SPOCK3: variants seen among roughly 807,000 people sequenced by gnomAD.
The protein encoded by SPOCK3 is testican-3.
Under a neutral mutation model 56.6 loss-of-function variants are expected in SPOCK3, and 30 were observed. That is an observed-to-expected ratio of 0.53 (90% confidence interval 0.40 to 0.72). SPOCK3 has a LOEUF of 0.72. Among genes scored for constraint, SPOCK3 ranks in the 30% least tolerant of loss-of-function variants. The pLI is 0.00. For missense variants in SPOCK3, 527 were observed against 530.0 expected, an observed-to-expected ratio of 0.99 and a Z score of 0.06; for synonymous variants, 196 against 183.3, an observed-to-expected ratio of 1.07 and a Z score of -0.56.
intron 2 of SPOCK3, among the ~76,000 whole-genome samples, chr4:167,073,316 T>C (rs1400306235): frequency 4.6e-5 from 7 of 151,800 alleles, no homozygotes; most frequent in Admixed American, 4.6e-4. Flanking sequence ...AATATTTTCA[T>C]ATAGAGTCAA....
In SPOCK3 at chr4:166,773,255, C is replaced by T. The variant is rs191790007; in HGVS notation, c.710-18526G>A. Among the ~76,000 whole-genome samples, 673 of 152,018 alleles carry T rather than the reference C, an allele frequency of 4.4e-3. 3 individuals are homozygous for T. The highest frequency in any genetic ancestry group is 7.7e-3 in the Non-Finnish European group (525 of 67,988). ...CTAAATCTTATAAGAAATATCATACCGGAAAATAAAGGAAAATCTTTTTAA... is the reference window on the plus strand; with the variant it reads ...CTAAATCTTATAAGAAATATCATACTGGAAAATAAAGGAAAATCTTTTTAA... On this transcript the variant is annotated intron_variant, in intron 7 of 10. Transcript: ENST00000357545.
intron 7 of SPOCK3, among the ~76,000 whole-genome samples, chr4:166,790,326 G>A (rs952476992): frequency 1.3e-5 from 2 of 152,066 alleles, no homozygotes; most frequent in Admixed American, 6.6e-5. Flanking sequence ...TCTGATATAG[G>A]AGGTCTGGTT....
intron 2 of SPOCK3, among the ~76,000 whole-genome samples, chr4:167,070,000 C>T (rs958288412): frequency 3.3e-5 from 5 of 151,986 alleles, no homozygotes; most frequent in Non-Finnish European, 4.4e-5. Context: ...TCCTGACTAA[C>T]TCCCCAATCT....
At chr4:167,202,224 A>C (rs1213447084) in intron 2 of SPOCK3, among the ~76,000 whole-genome samples, 1 of 151,968 alleles carries the variant, frequency 6.6e-6, no homozygotes, top group African/African-American at 2.4e-5. Flanking sequence ...AATTTTCATC[A>C]AATTTTGTTC....
intron 4 of SPOCK3, among the ~76,000 whole-genome samples, chr4:166,961,861 C>T (rs1224674936): frequency 6.6e-6 from 1 of 152,130 alleles, no homozygotes; most frequent in Admixed American, 6.6e-5. Context: ...TAAACCTGAG[C>T]ATCTTCATCA....
chr4:167,181,397 T>C (rs1731442180), intron 2 of SPOCK3, among the ~76,000 whole-genome samples: 1 of 152,204 alleles, frequency 6.6e-6, no homozygotes, highest in Non-Finnish European at 1.5e-5. Context: ...TCTGAAACTG[T>C]TGGAAGAATT....
chr4:166,844,110 T>C (rs957978280), intron 6 of SPOCK3, among the ~76,000 whole-genome samples: 1 of 152,214 alleles, frequency 6.6e-6, no homozygotes, highest in Non-Finnish European at 1.5e-5. Flanking sequence ...TCTAAGCCAC[T>C]ACAATTTGGG....
intron 2 of SPOCK3, among the ~76,000 whole-genome samples, chr4:167,196,509 C>A (rs1732965108): frequency 6.6e-6 from 1 of 151,612 alleles, no homozygotes; most frequent in South Asian, 2.1e-4. Context: ...TCTTTTCTTT[C>A]TTTCTTTCTT....
chr4:167,201,672 A>G (rs1180473985), intron 2 of SPOCK3, among the ~76,000 whole-genome samples: 1 of 151,516 alleles, frequency 6.6e-6, no homozygotes, highest in East Asian at 1.9e-4. Flanking sequence ...CAGAAGAAGA[A>G]ATCACCTTTT....
intron 3 of SPOCK3, among the ~76,000 whole-genome samples, chr4:167,049,580 T>C (rs956363639): frequency 6.6e-6 from 1 of 152,166 alleles, no homozygotes; most frequent in African/African-American, 2.4e-5. Flanking sequence ...TTTTAAATAA[T>C]ATTTGGTATA....
intron 6 of SPOCK3, among the ~76,000 whole-genome samples, chr4:166,807,525 T>C (rs1289237888): frequency 6.6e-6 from 1 of 152,118 alleles, no homozygotes; most frequent in Admixed American, 6.6e-5. Flanking sequence ...CAAATGTTTA[T>C]TAGTTAAAAC....
chr4:167,154,614 G>A (rs1026484571), intron 2 of SPOCK3, among the ~76,000 whole-genome samples: 2 of 152,000 alleles, frequency 1.3e-5, no homozygotes, highest in East Asian at 1.9e-4. Flanking sequence ...ATTCATTTCC[G>A]GTACAATCCT....
rs117927416 is a variant in SPOCK3 at position 166,890,167 on chromosome 4, C to T, written c.475-923G>A. ...ATGCCTCTCTTCGGTGCTTGTATGA[C>T]CACAGGATTGAAAGCACTTAAGATG... On this transcript the variant is annotated intron_variant, in intron 5 of 10. Coordinates refer to ENST00000357545, the MANE Select transcript of SPOCK3 (RefSeq NM_001040159.2). 8.0e-4 allele frequency among the ~76,000 whole-genome samples: 122 copies of T among 151,932 alleles called. 2 individuals are homozygous for T. In the East Asian group the frequency reaches 0.014, roughly 17 times the overall value.
At chr4:167,027,668 AT>A (rs1329243549) in intron 3 of SPOCK3, among the ~76,000 whole-genome samples, 1 of 152,058 alleles carries the variant, frequency 6.6e-6, no homozygotes, top group East Asian at 1.9e-4. Flanking sequence ...CTTTTTCTAT[AT>A]TTCTACAGTA....
At chr4:166,934,537 C>A (rs1199795162) in intron 4 of SPOCK3, among the ~76,000 whole-genome samples, 3 of 151,990 alleles carry the variant, frequency 2.0e-5, no homozygotes, top group Non-Finnish European at 2.9e-5. Flanking sequence ...CACTTAATAT[C>A]ACCACCCAAA....
At chr4:166,927,778 G>T (rs1242239624) in intron 4 of SPOCK3, among the ~76,000 whole-genome samples, 1 of 151,938 alleles carries the variant, frequency 6.6e-6, no homozygotes, top group Non-Finnish European at 1.5e-5. Context: ...AGCGTCAAGA[G>T]AATGATGAGG....
At position 166,938,955 on chromosome 4, in the gene SPOCK3, C is replaced by CCACACACA. The variant is rs59234659; in HGVS notation, c.351-26220_351-26213dup. Among the ~76,000 whole-genome samples, 1,089 of 148,412 alleles carry CCACACACA rather than the reference C, an allele frequency of 7.3e-3. 11 individuals are homozygous for CCACACACA. The highest frequency in any genetic ancestry group is 0.025 in the African/African-American group (1,030 of 40,680). On this transcript the variant is annotated intron_variant, in intron 4 of 10. Coordinates refer to ENST00000357545, the MANE Select transcript of SPOCK3 (RefSeq NM_001040159.2). ...ATATATAAAGACACACATACACACA[C>CCACACACA]CACACACACACACACACACACACAC...
intron 7 of SPOCK3, among the ~76,000 whole-genome samples, chr4:166,770,735 C>A (rs528630989): frequency 6.6e-6 from 1 of 152,052 alleles, no homozygotes; most frequent in Admixed American, 6.5e-5. Context: ...ATTGTCAGAC[C>A]AGACAAAAAT....
chr4:167,126,927 C>A lies in SPOCK3; in HGVS notation c.190-64390G>T, dbSNP rs561447331. On this transcript the variant is annotated intron_variant, in intron 2 of 10. Coordinates refer to ENST00000357545, the MANE Select transcript of SPOCK3 (RefSeq NM_001040159.2). ...CTGGTAGAAAACAAAACCAAAGAAACCTGCCCTGTGCCTGGGCCTATGTAT... is the reference window on the plus strand; with the variant it reads ...CTGGTAGAAAACAAAACCAAAGAAAACTGCCCTGTGCCTGGGCCTATGTAT... 2.0e-5 allele frequency among the ~76,000 whole-genome samples: 3 copies of A among 152,230 alleles called. No homozygotes were observed. In the South Asian group the frequency reaches 6.2e-4, roughly 32 times the overall value.
Sources: allele counts gnomAD v4.1 joint callset (sites outside exome capture counted in the v4.1 genomes callset), GRCh38; gene constraint gnomAD v4.1.1; transcripts MANE v1.5; gene names NCBI Gene and HGNC (gene_info 2026-07-23, HGNC 2026-07-21).